Variants in EVC2 observed in about 807,000 individuals in gnomAD.
The protein encoded by EVC2 is EvC ciliary complex subunit 2.
Under a neutral mutation model 149.3 loss-of-function variants are expected in EVC2, and 148 were observed. The ratio of observed to expected loss-of-function variants is 0.99; its 90% CI spans 0.87 to 1.14. The LOEUF is 1.14. Among genes scored for constraint, EVC2 ranks in the 50% most tolerant of loss-of-function variants. The pLI, the probability that EVC2 is intolerant of heterozygous loss-of-function variation, is 0.00. For missense variants in EVC2, 1,854 were observed against 1,627.3 expected (o/e 1.14, Z -2.40); for synonymous variants, 776 against 649.9 (o/e 1.19, Z -2.95).
At chr4:5,631,566 C>CGG (rs1560179935) in intron 11 of EVC2, among the ~76,000 whole-genome samples, 2 of 125,160 alleles carry the variant, frequency 1.6e-5, no homozygotes, top group South Asian at 2.7e-4. Context: ...ACGCAGTAGA[C>CGG]TGGGGGGGGG....
At chr4:5,654,595 C>T (rs1718377832) in intron 9 of EVC2, among the ~76,000 whole-genome samples, 1 of 152,160 alleles carries the variant, frequency 6.6e-6, no homozygotes, top group Non-Finnish European at 1.5e-5. Context: ...AGGGGCATCA[C>T]TGTGGGGGTG....
chr4:5,704,383 A>G (rs1017264032), intron 1 of EVC2, among the ~76,000 whole-genome samples: 1 of 152,132 alleles, frequency 6.6e-6, no homozygotes, highest in African/African-American at 2.4e-5. Flanking sequence ...CAAGAAAAAG[A>G]CAAAGGAACC....
intron 9 of EVC2, among the ~76,000 whole-genome samples, chr4:5,650,645 A>ATATATATATATATATATG (rs1718062020): frequency 1.7e-5 from 2 of 117,738 alleles, no homozygotes; most frequent in East Asian, 5.9e-4. Context: ...ATATAGAGAG[A>ATATATATATATATATATG]GAGAGAGAGA....
intron 9 of EVC2, among the ~76,000 whole-genome samples, chr4:5,652,324 T>C (rs1340968814): frequency 6.6e-6 from 1 of 150,818 alleles, no homozygotes; most frequent in Non-Finnish European, 1.5e-5. Flanking sequence ...CGGTTGTTTG[T>C]AGTAAACACC....
chr4:5,549,974 T>C (rs1237909791), intron 21 of EVC2, among the ~76,000 whole-genome samples: 1 of 152,198 alleles, frequency 6.6e-6, no homozygotes, highest in East Asian at 1.9e-4. Flanking sequence ...CCTGCTGTCA[T>C]CCATGTAATA....
rs757608690 is a variant in EVC2, at chr4:5,622,985, C to T, written c.2053G>A (p.Glu685Lys). 76 of 1,613,870 alleles carry T rather than the reference C, an allele frequency of 4.7e-5. No individual in the cohort carries two copies. Among genetic ancestry groups the T allele is most frequent in the Non-Finnish European group, 6.0e-5 (71 of 1,179,990 alleles). ...ACGGACGCCTGCTCCCTACGCTGCT[C>T]CCTGTGCTGGAGTTTCAGAAAAGAA... ...RRRELLQKHR[E>K]QRREQASVGE... The change falls in exon 14 of 22, where the codon GAG (glutamate) becomes AAG (lysine). Residue 685 changes from glutamate (E) to lysine (K), a missense_variant. By Grantham distance (56) the Glu-to-Lys change is moderately conservative (BLOSUM62 1). Transcript: ENST00000344408. The surrounding 1 kb of genome is among the most constrained non-coding windows in gnomAD (Gnocchi z 5.8).
chr4:5,602,774 A>G (rs1362923818), intron 16 of EVC2, among the ~76,000 whole-genome samples: 2 of 152,210 alleles, frequency 1.3e-5, no homozygotes, highest in Non-Finnish European at 2.9e-5. Context: ...GAGTGAAGAG[A>G]GTAAAATAGA....
chr4:5,667,751 T>A (rs1426060091), intron 7 of EVC2, among the ~76,000 whole-genome samples: 2 of 152,206 alleles, frequency 1.3e-5, no homozygotes, highest in Non-Finnish European at 2.9e-5. Flanking sequence ...GGGAAGCTCA[T>A]TAGGGACTCA....
intron 7 of EVC2, among the ~76,000 whole-genome samples, chr4:5,668,961 C>G (rs369539920): frequency 7.2e-5 from 11 of 152,220 alleles, no homozygotes; most frequent in African/African-American, 2.6e-4. Flanking sequence ...GTCCTAAATC[C>G]AATGATCGTG....
chr4:5,555,841 C>A lies in EVC2; in HGVS notation c.3419+9417G>T, dbSNP rs1024379508. Among the ~76,000 whole-genome samples, 9 of 152,170 alleles carry A rather than the reference C, an allele frequency of 5.9e-5. No homozygotes were observed. In the South Asian group the frequency reaches 1.9e-3, roughly 32 times the overall value. ...CTTCTACAAGTACAGAATATAAAAT[C>A]ATCTCAACTTTGGTTGAAACATTCA... is the stretch of plus-strand genomic sequence containing the variant. On this transcript the variant is annotated intron_variant and NMD_transcript_variant, in intron 21 of 22. Transcript: ENST00000475313.
At chr4:5,543,000 G>T in intron 22 of EVC2, 1 of 521,788 alleles carries the variant, frequency 1.9e-6, no homozygotes, top group African/African-American at 2.0e-5. Context: ...CACCCACACT[G>T]TTAAGTGATG....
At chr4:5,628,123 G>A (rs535451486) in intron 12 of EVC2, among the ~76,000 whole-genome samples, 37 of 152,218 alleles carry the variant, frequency 2.4e-4, no homozygotes, top group Admixed American at 8.5e-4. Flanking sequence ...CAGCACATAC[G>A]CTGAATAAAC....
chr4:5,694,255 G>C, intron 3 of EVC2, 80 bp downstream of exon 3: 1 of 1,476,944 alleles, frequency 6.8e-7, no homozygotes. Context: ...ACAAAAACCC[G>C]TGCCATTTTA....
intron 1 of EVC2, among the ~76,000 whole-genome samples, chr4:5,707,456 G>A (rs1251520745): frequency 6.6e-6 from 1 of 152,112 alleles, no homozygotes; most frequent in Non-Finnish European, 1.5e-5. Flanking sequence ...GGGAATAGGA[G>A]CCTGGGTGTG....
chr4:5,584,501 C>A, intron 17 of EVC2, 122 bp downstream of exon 17: 3 of 1,018,566 alleles, frequency 2.9e-6, no homozygotes, highest in Non-Finnish European at 4.5e-6. Context: ...GTTTAATCCT[C>A]ACCACAACCC....
intron 21 of EVC2, 47 bp from the exon 22 acceptor site, chr4:5,563,162 C>A: frequency 6.4e-7 from 1 of 1,567,198 alleles, no homozygotes; most frequent in Non-Finnish European, 8.7e-7. Flanking sequence ...GGCAATGAAC[C>A]CTCTGGAGTG....
At chr4:5,689,128 T>C (rs779401250) in intron 5 of EVC2, 29 bp downstream of exon 5, 6 of 1,612,668 alleles carry the variant, frequency 3.7e-6, no homozygotes. Flanking sequence ...TCATTTGTCA[T>C]CCCTGACTTC....
At chr4:5,555,097 G>A (rs137914968) in intron 21 of EVC2, among the ~76,000 whole-genome samples, 1 of 151,634 alleles carries the variant, frequency 6.6e-6, no homozygotes, top group Admixed American at 6.6e-5. Context: ...CATAGTAGAA[G>A]GTCAATATAT....
chr4:5,649,411 G>A (rs1030061480), intron 9 of EVC2, among the ~76,000 whole-genome samples: 2 of 152,000 alleles, frequency 1.3e-5, no homozygotes, highest in Non-Finnish European at 2.9e-5. Flanking sequence ...ATCTTTCAAG[G>A]GAAACAGTAC....
Sources: allele counts gnomAD v4.1 joint callset (sites outside exome capture counted in the v4.1 genomes callset), GRCh38; gene constraint gnomAD v4.1.1; non-coding constraint Gnocchi (gnomAD v3.1); transcripts MANE v1.5; gene names NCBI Gene and HGNC (gene_info 2026-07-23, HGNC 2026-07-21).